The following PRKAA1 variants were observed in gnomAD, a reference collection of about 807,000 sequenced individuals.
The protein encoded by PRKAA1 is 5'-AMP-activated protein kinase catalytic subunit alpha-1.
Under a neutral mutation model 56.9 loss-of-function variants are expected in PRKAA1, and 23 were observed. The ratio of observed to expected loss-of-function variants is 0.40; its 90% CI spans 0.29 to 0.57. The LOEUF (loss-of-function observed/expected upper bound fraction) is 0.57. Among genes scored for constraint, PRKAA1 ranks in the 20% least tolerant of loss-of-function variants. PRKAA1 has a pLI of 0.39. For synonymous variants in PRKAA1, 226 were observed against 227.0 expected, an observed-to-expected ratio of 1.00 and a Z score of 0.04; for missense variants, 413 against 679.7, an observed-to-expected ratio of 0.61 and a Z score of 4.36.
At chr5:40,789,255 G>C (rs1026963986) in intron 1 of PRKAA1, among the ~76,000 whole-genome samples, 6 of 152,026 alleles carry the variant, frequency 3.9e-5, no homozygotes, top group Admixed American at 1.3e-4. Flanking sequence ...CCAACAGATA[G>C]ATGAAAGAAT....
chr5:40,794,870 AAAG>A (rs1744856317), intron 1 of PRKAA1, among the ~76,000 whole-genome samples: 1 of 64,698 alleles, frequency 1.5e-5, no homozygotes, highest in Non-Finnish European at 4.4e-5. Flanking sequence ...TCTCTTCTGA[AAAG>A]AAGTCATTAT....
At chr5:40,770,152 G>A (rs554799024) in intron 4 of PRKAA1, among the ~76,000 whole-genome samples, 37 of 152,136 alleles carry the variant, frequency 2.4e-4, no homozygotes, top group African/African-American at 8.2e-4. Context: ...AGTCAAAACT[G>A]AGGAAAATTT....
At chr5:40,790,791 G>C (rs1164487537) in intron 1 of PRKAA1, among the ~76,000 whole-genome samples, 1 of 152,060 alleles carries the variant, frequency 6.6e-6, no homozygotes, top group Non-Finnish European at 1.5e-5. Flanking sequence ...GCCCGCCTTA[G>C]CCTCCCAAAA....
At chr5:40,764,675 T>C (rs1239908418) in intron 7 of PRKAA1, 35 bp from the exon 8 acceptor site, 23 of 1,605,378 alleles carry the variant, frequency 1.4e-5, no homozygotes, top group Non-Finnish European at 1.9e-5. Context: ...AAGTCAAAAG[T>C]AATTCTTCTA....
At chr5:40,786,086 C>T (rs933490998) in intron 1 of PRKAA1, among the ~76,000 whole-genome samples, 1 of 152,104 alleles carries the variant, frequency 6.6e-6, no homozygotes, top group African/African-American at 2.4e-5. Flanking sequence ...GAAACTCCAT[C>T]TCTACTAAAA....
chr5:40,795,012 C>CACACACAT (rs1561192124), intron 1 of PRKAA1, among the ~76,000 whole-genome samples: 1 of 149,542 alleles, frequency 6.7e-6, no homozygotes, highest in Non-Finnish European at 1.5e-5. Flanking sequence ...TATATATACA[C>CACACACAT]ACACACACAC....
rs1315059845 is a variant in PRKAA1 at position 40,794,683 on chromosome 5, TC to T, written c.127+3379del. Among the ~76,000 whole-genome samples the T allele has an allele frequency of 5.5e-5, 7 of 126,128 alleles. 1 individual carries two copies. The highest frequency in any genetic ancestry group is 1.3e-4 in the Non-Finnish European group (7 of 54,600). 82.7% of individuals were successfully genotyped at this position (126,128 alleles called of 152,430 possible). ...TTTATATAAGGTTGAGAGATGAGAA[TC>T]CAGTTTCATTCTCCTACATGTGGCT... On this transcript the variant is annotated intron_variant, in intron 1 of 8. Transcript: ENST00000397128.
intron 3 of PRKAA1, among the ~76,000 whole-genome samples, chr5:40,773,476 C>CA (rs1235511469): frequency 6.6e-6 from 1 of 152,084 alleles, no homozygotes; most frequent in African/African-American, 2.4e-5. Context: ...TTAAATGTAA[C>CA]AGATTAAATC....
At position 40,762,953 on chromosome 5, in the gene PRKAA1, G is replaced by C. The variant is rs1369698439; in HGVS notation, c.1505C>G (p.Ser502Cys). Reference protein sequence around the residue: ...QRSGSVSNYRSCQRSDSDAEA... With the variant: ...QRSGSVSNYRCCQRSDSDAEA... ...AGCATCTGAATCACTCCTTTGGCAA[G>C]ATCGATAGTTGCTAACTGATCCCGA... The change falls in exon 9 of 9, where the codon TCT (serine) becomes TGT (cysteine). Residue 502 changes from serine (S) to cysteine (C), a missense_variant. Ser to Cys is a moderately radical substitution (Grantham distance 112). Around this residue, in one of 9 missense-constraint regions of PRKAA1, gnomAD observed 139 missense variants for 171.5 expected, o/e 0.81. Transcript: ENST00000397128. 6.2e-7 allele frequency: 1 copy of C among 1,614,174 alleles called. No homozygotes were observed. The highest frequency in any genetic ancestry group is 8.5e-7 in the Non-Finnish European group (1 of 1,180,022).
At chr5:40,788,712 A>G (rs1744596901) in intron 1 of PRKAA1, among the ~76,000 whole-genome samples, 2 of 152,134 alleles carry the variant, frequency 1.3e-5, no homozygotes, top group African/African-American at 2.4e-5. Context: ...CTGTAGTCCC[A>G]GCTACTCATG....
intron 1 of PRKAA1, among the ~76,000 whole-genome samples, chr5:40,780,239 A>G (rs1016576083): frequency 1.1e-4 from 16 of 152,196 alleles, no homozygotes; most frequent in African/African-American, 3.6e-4. Flanking sequence ...AATAATAATT[A>G]GCTTTTAAAC....
At chr5:40,791,506 T>G (rs896851293) in intron 1 of PRKAA1, among the ~76,000 whole-genome samples, 1 of 152,220 alleles carries the variant, frequency 6.6e-6, no homozygotes, top group Non-Finnish European at 1.5e-5. Flanking sequence ...CAAATGCTCT[T>G]CTAATTAGAT....
intron 5 of PRKAA1, chr5:40,768,758 A>T: frequency 7.5e-7 from 1 of 1,329,736 alleles, no homozygotes. Flanking sequence ...AAATCTAGCA[A>T]ACTTCAGCTT....
intron 8 of PRKAA1, among the ~76,000 whole-genome samples, chr5:40,763,673 A>C (rs1743294855): frequency 6.6e-6 from 1 of 152,216 alleles, no homozygotes; most frequent in South Asian, 2.1e-4. Flanking sequence ...TAGTAAATCT[A>C]AGGTTGCAAA....
intron 1 of PRKAA1, among the ~76,000 whole-genome samples, chr5:40,779,310 A>C (rs1367131352): frequency 1.3e-5 from 2 of 152,162 alleles, no homozygotes; most frequent in Admixed American, 6.5e-5. Context: ...AAAAATCACA[A>C]TCCCAAAAGA....
rs1231069850 is a variant in PRKAA1, at chr5:40,759,495, TCTAC to T, written c.*3279_*3282del. On this transcript the variant is annotated 3_prime_UTR_variant, in exon 9 of 9. Transcript: ENST00000397128. ...TATACATGAACCACAAATATTAACTTCTACCTACCAACAATTTACAGTTATGTTG... is the reference window on the plus strand; with the variant it reads ...TATACATGAACCACAAATATTAACTTCTACCAACAATTTACAGTTATGTTG... The T allele has an allele frequency of 6.6e-6, 1 of 152,336 alleles. No individual in the cohort carries two copies. Among genetic ancestry groups the T allele is most frequent in the African/African-American group, 2.4e-5 (1 of 41,450 alleles). 9.4% of individuals were successfully genotyped at this position (152,336 alleles called of 1,614,324 possible). A position where few individuals can be genotyped will look rare whatever the true frequency, so the allele number is the denominator to read the frequency against.
Position 40,765,182 on chromosome 5 carries a change from G to T in PRKAA1, c.878C>A (p.Ser293Ter). Residue 293 changes from serine to a stop codon, truncating the protein, a stop_gained, in exon 7 of 9, where the codon TCA becomes TAA. Transcript: ENST00000397128. LOFTEE classifies it high-confidence loss of function. ...ATCATCAATCATGGTTGAACTATAT[G>T]ATGGATCCTCAGGAAAGAGATATTT... ...LPKYLFPEDP[S>*]YSSTMIDDEA... The T allele has an allele frequency of 1.2e-6, 2 of 1,613,922 alleles. No individual in the cohort carries two copies. Among genetic ancestry groups the T allele is most frequent in the South Asian group, 1.1e-5 (1 of 91,060 alleles).
In PRKAA1 at chr5:40,762,440, C is replaced by A; in HGVS notation, c.*338G>T. 4.8e-6 allele frequency: 1 copy of A among 209,926 alleles called. No individual in the cohort carries two copies. 13.0% of individuals were successfully genotyped at this position (209,926 alleles called of 1,614,324 possible). A position where few individuals can be genotyped will look rare whatever the true frequency, so the allele number is the denominator to read the frequency against. On this transcript the variant is annotated 3_prime_UTR_variant, in exon 9 of 9. Transcript: ENST00000397128. ...TAAATTTATAACACGTAATATATAA[C>A]ACGTAATAATATATGAAGGCCTTTA...
chr5:40,774,962 ACAT>A, intron 3 of PRKAA1: 1 of 1,605,100 alleles, frequency 6.2e-7, no homozygotes, highest in Non-Finnish European at 8.5e-7. Context: ...TACTCCAGGT[ACAT>A]CAGATTTCTG....
Sources: allele counts gnomAD v4.1 joint callset (sites outside exome capture counted in the v4.1 genomes callset), GRCh38; gene constraint gnomAD v4.1.1; regional missense constraint gnomAD v4.1.1; transcripts MANE v1.5; gene names NCBI Gene and HGNC (gene_info 2026-07-23, HGNC 2026-07-21).